AKAP19: variants seen among roughly 807,000 people sequenced by gnomAD.
AKAP19 encodes the protein A-kinase anchoring protein 19, also known as small A-kinase anchoring protein.
chr2:190,080,856 T>C, the AKAP19 span, among the ~76,000 whole-genome samples: 25 of 152,262 alleles, frequency 1.6e-4, no homozygotes, highest in East Asian at 3.1e-3. Flanking sequence ...TACTACAGCA[T>C]TGAAGCACTG....
chr2:190,025,350 A>G, the AKAP19 span, among the ~76,000 whole-genome samples: 1 of 152,184 alleles, frequency 6.6e-6, no homozygotes, highest in South Asian at 2.1e-4. Context: ...TCCTCTGCCC[A>G]TTCTCCATCC....
At chr2:189,965,724 TA>T in the AKAP19 span, among the ~76,000 whole-genome samples, 1 of 152,256 alleles carries the variant, frequency 6.6e-6, no homozygotes, top group Admixed American at 6.5e-5. Context: ...GTACAACCAC[TA>T]TGGAAAACAG....
the AKAP19 span, among the ~76,000 whole-genome samples, chr2:190,017,873 T>C: frequency 6.6e-6 from 1 of 152,178 alleles, no homozygotes; most frequent in Non-Finnish European, 1.5e-5. Flanking sequence ...CTTTTGTTTG[T>C]CTGGGAAAGT....
chr2:189,932,639 G>A, the AKAP19 span, among the ~76,000 whole-genome samples: 1 of 150,874 alleles, frequency 6.6e-6, no homozygotes, highest in Non-Finnish European at 1.5e-5. Context: ...TGGGGACGTC[G>A]AGGCTGCAGT....
chr2:190,158,820 A>T, the AKAP19 span, among the ~76,000 whole-genome samples: 1 of 152,220 alleles, frequency 6.6e-6, no homozygotes, highest in African/African-American at 2.4e-5. Context: ...TCACAGAAGC[A>T]GGGGAAACAT....
At chr2:190,103,492 T>G in the AKAP19 span, among the ~76,000 whole-genome samples, 1 of 152,208 alleles carries the variant, frequency 6.6e-6, no homozygotes, top group Non-Finnish European at 1.5e-5. Flanking sequence ...TCAGTAAAGT[T>G]TCAGGATACA....
the AKAP19 span, among the ~76,000 whole-genome samples, chr2:190,046,273 G>A: frequency 6.6e-6 from 1 of 151,862 alleles, no homozygotes; most frequent in East Asian, 1.9e-4. Flanking sequence ...TTAGTTCTCT[G>A]TGATTTGTTT....
At chr2:190,155,364 C>A in the AKAP19 span, among the ~76,000 whole-genome samples, 3 of 151,826 alleles carry the variant, frequency 2.0e-5, no homozygotes, top group African/African-American at 7.3e-5. Context: ...ATTAAAGGAG[C>A]CTCTCCACAG....
At chr2:189,915,551 AT>A in the AKAP19 span, among the ~76,000 whole-genome samples, 1 of 151,890 alleles carries the variant, frequency 6.6e-6, no homozygotes. Flanking sequence ...TGTCAATTTG[AT>A]TTTTTTTCTC....
the AKAP19 span, among the ~76,000 whole-genome samples, chr2:189,960,622 A>T: frequency 6.6e-6 from 1 of 152,228 alleles, no homozygotes; most frequent in Non-Finnish European, 1.5e-5. Context: ...ATAAGTTATC[A>T]TAACTGGTCA....
the AKAP19 span, among the ~76,000 whole-genome samples, chr2:190,059,207 G>C: frequency 6.6e-5 from 10 of 151,912 alleles, 1 homozygote; most frequent in South Asian, 2.1e-3. Flanking sequence ...ATAGATGAAC[G>C]TAAAAAGATG....
chr2:190,105,062 TGTGG>T, the AKAP19 span, among the ~76,000 whole-genome samples: 3 of 152,212 alleles, frequency 2.0e-5, no homozygotes, highest in Non-Finnish European at 4.4e-5. Context: ...GTTCAGCCAC[TGTGG>T]AAAACAGTTC....
At chr2:189,923,328 C>T in the AKAP19 span, 1 of 1,609,024 alleles carries the variant, frequency 6.2e-7, no homozygotes, top group East Asian at 2.2e-5. Flanking sequence ...ACCTTACCAT[C>T]AAACACAATG....
At chr2:189,903,606 G>C in the AKAP19 span, among the ~76,000 whole-genome samples, 1 of 151,908 alleles carries the variant, frequency 6.6e-6, no homozygotes, top group African/African-American at 2.4e-5. Flanking sequence ...TGGAAAAATG[G>C]GATGATACAT....
chr2:190,200,869 G>T, the AKAP19 span: 50,292 of 166,826 alleles, frequency 0.3, 9,104 homozygotes, highest in African/African-American at 0.49. Context: ...AAAACAAGTA[G>T]GGGTACCTTT....
the AKAP19 span, among the ~76,000 whole-genome samples, chr2:190,113,107 C>T: frequency 2.0e-5 from 3 of 151,966 alleles, no homozygotes; most frequent in African/African-American, 7.2e-5. Context: ...GGTATTCTCT[C>T]ATAATTTAAG....
chr2:189,898,557 G>T, the AKAP19 span, among the ~76,000 whole-genome samples: 1 of 152,034 alleles, frequency 6.6e-6, no homozygotes, highest in Non-Finnish European at 1.5e-5. Context: ...TTTGGCATGT[G>T]TATATATGCT....
the AKAP19 span, among the ~76,000 whole-genome samples, chr2:189,934,137 C>T: frequency 1.3e-5 from 2 of 151,984 alleles, no homozygotes; most frequent in Non-Finnish European, 2.9e-5. Context: ...GTCAGTCTCT[C>T]AATTGGCAAA....
At chr2:189,975,812 G>A in the AKAP19 span, among the ~76,000 whole-genome samples, 115 of 152,172 alleles carry the variant, frequency 7.6e-4, no homozygotes, top group Non-Finnish European at 1.3e-3. Context: ...AGTAGTTCTC[G>A]TGCCATGGTT....
Sources: gnomAD v4.1 joint callset for allele counts (sites outside exome capture counted in the v4.1 genomes callset) on GRCh38, gnomAD v4.1.1 for gene constraint, MANE v1.5 for transcripts, NCBI Gene and HGNC (gene_info 2026-07-23, HGNC 2026-07-21) for gene names.